The following POLD1 variants were observed in gnomAD, a reference collection of about 807,000 sequenced individuals.
The protein encoded by POLD1 is DNA polymerase delta 1, catalytic subunit.
In POLD1, 79 loss-of-function variants were observed where a neutral mutation model predicts 129.7. That is an observed-to-expected ratio of 0.61 (90% CI 0.51 to 0.73). The LOEUF (loss-of-function observed/expected upper bound fraction) is 0.73. Among genes scored for constraint, POLD1 ranks in the 30% least tolerant of loss-of-function variants. The pLI is 0.00. For missense variants in POLD1, 1,338 were observed against 1,595.8 expected (o/e 0.84, Z 2.75); for synonymous variants, 714 against 683.3 (o/e 1.04, Z -0.70).
At chr19:50,415,017 C>T (rs1316551670) in intron 20 of POLD1, 27 bp downstream of exon 20, 36 of 1,498,264 alleles carry the variant, frequency 2.4e-5, no homozygotes, top group Non-Finnish European at 3.0e-5. Flanking sequence ...CCCTCAGACT[C>T]AGGGGGCTGG....
chr19:50,413,405 G>A lies in POLD1; in HGVS notation c.2155-21G>A, dbSNP rs780350965. 2.4e-4 allele frequency: 389 copies of A among 1,606,572 alleles called. No homozygotes were observed. The highest frequency in any genetic ancestry group is 3.2e-4 in the Non-Finnish European group (374 of 1,175,236). ...CACATGGCCCCCAGGGCTTCACTCCGCATGATTCTCTCCCCGACAGAGCGT... is the reference window on the plus strand; with the variant it reads ...CACATGGCCCCCAGGGCTTCACTCCACATGATTCTCTCCCCGACAGAGCGT... On this transcript the variant is annotated intron_variant, in intron 17 of 26. Coordinates refer to ENST00000440232, the MANE Select transcript of POLD1 (RefSeq NM_002691.4).
chr19:50,413,978 T>G (rs1174291255), intron 19 of POLD1, 99 bp downstream of exon 19: 1 of 1,268,274 alleles, frequency 7.9e-7, no homozygotes, highest in Non-Finnish European at 1.1e-6. Context: ...TGTGAAGGGA[T>G]GTTGCTGCTT....
intron 1 of POLD1, among the ~76,000 whole-genome samples, chr19:50,385,746 C>G (rs1372751455): frequency 1.3e-5 from 2 of 151,972 alleles, no homozygotes; most frequent in African/African-American, 4.8e-5. Flanking sequence ...CCAGGCTGGT[C>G]TCGAACTCCT....
chr19:50,417,514 G>T (rs910492158), intron 26 of POLD1, among the ~76,000 whole-genome samples: 3 of 152,158 alleles, frequency 2.0e-5, no homozygotes, highest in Non-Finnish European at 4.4e-5. Flanking sequence ...GGAAACGGCT[G>T]TCCTCCCGAC....
rs567096644 is a variant in POLD1, at chr19:50,406,740, C to G, written c.1494+223C>G. Among the ~76,000 whole-genome samples, 24 of 152,248 alleles carry G rather than the reference C, an allele frequency of 1.6e-4. No homozygotes were observed. The highest frequency in any genetic ancestry group is 4.6e-4 in the African/African-American group (19 of 41,530). ...TATGACCTTGTCTCTGCTTTCCTGG[C>G]CTGACCACAGGTCCACGGTGGCCTT... is the stretch of plus-strand genomic sequence containing the variant. On this transcript the variant is annotated intron_variant, in intron 12 of 26. Transcript: ENST00000440232. The surrounding 1 kb of genome is among the most constrained non-coding windows in gnomAD (Gnocchi z 5.5).
At chr19:50,400,199 A>C (rs974918821) in intron 3 of POLD1, among the ~76,000 whole-genome samples, 4 of 68,620 alleles carry the variant, frequency 5.8e-5, no homozygotes, top group Non-Finnish European at 5.7e-5. Context: ...GCTGGAGTGC[A>C]CCTGGCCAAT....
chr19:50,385,671 G>A (rs2037945036), intron 1 of POLD1, among the ~76,000 whole-genome samples: 1 of 151,968 alleles, frequency 6.6e-6, no homozygotes, highest in Admixed American at 6.6e-5. Flanking sequence ...TGGGATTACG[G>A]CACCCACTGC....
rs2122509398 is a variant in POLD1 at position 50,417,265 on chromosome 19, A to G, written c.3214A>G (p.Thr1072Ala). The G allele has an allele frequency of 6.3e-7, 1 of 1,592,060 alleles. No homozygotes were observed. The highest frequency in any genetic ancestry group is 8.5e-7 in the Non-Finnish European group (1 of 1,172,544). The change falls in exon 26 of 27, where the codon ACC (threonine) becomes GCC (alanine). Residue 1072 changes from threonine (T) to alanine (A), a missense_variant. Thr to Ala is a moderately conservative substitution (Grantham distance 58). Transcript: ENST00000440232. Reference protein sequence around the residue: ...QGSLHEDVICTSRDCPIFYMR... With the variant: ...QGSLHEDVICASRDCPIFYMR... ...CAGCCTGCACGAGGACGTCATCTGC[A>G]CCAGGTGTGTGCCATGTCCCGACCC... is the stretch of plus-strand genomic sequence containing the variant.
chr19:50,391,731 T>TTTC (rs201298004), intron 1 of POLD1, among the ~76,000 whole-genome samples: 4 of 148,842 alleles, frequency 2.7e-5, no homozygotes, highest in African/African-American at 1.0e-4. Context: ...TCTTTTTTTT[T>TTTC]CCCACTCCCC....
chr19:50,413,709 C>T (rs2122444239), intron 18 of POLD1, 33 bp from the exon 19 acceptor site: 1 of 1,569,542 alleles, frequency 6.4e-7, no homozygotes, highest in Non-Finnish European at 8.6e-7. Context: ...AGGGACCCTG[C>T]TTCTCACATA....
intron 8 of POLD1, 89 bp downstream of exon 8, chr19:50,402,830 C>T (rs1025244962): frequency 6.6e-7 from 1 of 1,503,958 alleles, no homozygotes. Context: ...GAATGGCAAG[C>T]ATGAAGGTGC....
intron 1 of POLD1, among the ~76,000 whole-genome samples, chr19:50,384,877 T>C (rs1320390878): frequency 2.0e-5 from 3 of 152,156 alleles, no homozygotes; most frequent in African/African-American, 7.2e-5. Flanking sequence ...AACGTGATAA[T>C]GAGCGAAGAG....
At chr19:50,402,846 C>A (rs2122264815) in intron 8 of POLD1, 105 bp downstream of exon 8, 1 of 1,452,982 alleles carries the variant, frequency 6.9e-7, no homozygotes, top group Non-Finnish European at 9.3e-7. Flanking sequence ...GGTGCCGGGG[C>A]AGGAGCACCC....
rs768901366 is a variant in POLD1, at chr19:50,406,262, G to C, written c.1323G>C (p.Thr441=). Residue 441 remains threonine, a synonymous_variant, in exon 11 of 27, where the codon ACG becomes ACC. Transcript: ENST00000440232. The surrounding 1 kb of genome is among the most constrained non-coding windows in gnomAD (Gnocchi z 5.5). The stretch of plus-strand genomic sequence containing the variant: ...ACTCTTCATTCCAGTCCAAGCAGAC[G>C]GGCCGGCGGGACACCAAGGTTGTCA... ...IRDSSFQSKQ[T]GRRDTKVVSM... The C allele has an allele frequency of 5.0e-6, 8 of 1,613,882 alleles. No homozygotes were observed. In the African/African-American group the frequency reaches 9.3e-5, roughly 19 times the overall value.
chr19:50,406,818 C>A lies in POLD1; in HGVS notation c.1495-165C>A, dbSNP rs750881381. ...CCCTGTGGACTCCCTGGCCCCCAAC[C>A]CTACCTCCATCCCCACCCAGACCCT... is the stretch of plus-strand genomic sequence containing the variant. On this transcript the variant is annotated intron_variant, in intron 12 of 26. Transcript: ENST00000440232. This position sits in a 1 kb window ranked among gnomAD's most constrained non-coding sequence, Gnocchi z 5.5. Among the ~76,000 whole-genome samples the A allele has an allele frequency of 6.6e-5, 10 of 152,036 alleles. No individual in the cohort carries two copies. Among genetic ancestry groups the A allele is most frequent in the Non-Finnish European group, 8.8e-5 (6 of 68,000 alleles).
rs1143666 is a variant in POLD1, at chr19:50,402,505, T to C, written c.810T>C (p.Ala270=). 39,081 of 1,609,458 alleles carry C rather than the reference T, an allele frequency of 0.024. 6,159 individuals carry two copies. The African/African-American group carries it at 0.39, about 16-fold the overall frequency. The change falls in exon 7 of 27, where the codon GCT becomes GCC. Residue 270 remains alanine (A), a synonymous_variant. Coordinates refer to ENST00000440232, the MANE Select transcript of POLD1 (RefSeq NM_002691.4). ...GCTGCAACTGGCTGGAGCTCCCAGC[T>C]GGGAAATACGCCCTGAGGCTGAAGG... is the stretch of plus-strand genomic sequence containing the variant. ...IVGCNWLELP[A]GKYALRLKEK... is the part of the protein sequence containing the mutation.
chr19:50,415,833 C>A lies in POLD1; in HGVS notation c.2820+7C>A. On this transcript the variant is annotated splice_region_variant and intron_variant, in intron 22 of 26. Coordinates refer to ENST00000440232, the MANE Select transcript of POLD1 (RefSeq NM_002691.4). Reference sequence around the variant, plus strand: ...CGCCTACATGAAGTCGGAGGTCAGGCCCACCTGGCTGCCTGCTCCCGCCCA... The same window carrying A: ...CGCCTACATGAAGTCGGAGGTCAGGACCACCTGGCTGCCTGCTCCCGCCCA... 1 of 1,484,602 alleles carries A rather than the reference C, an allele frequency of 6.7e-7. No homozygotes were observed. The highest frequency in any genetic ancestry group is 9.0e-7 in the Non-Finnish European group (1 of 1,111,154). 92.0% of individuals were successfully genotyped at this position (1,484,602 alleles called of 1,614,324 possible). A position where few individuals can be genotyped will look rare whatever the true frequency, so the allele number is the denominator to read the frequency against.
At chr19:50,396,418 C>CATTGTATATCTTGTCAAAGAT (rs3219352) in intron 1 of POLD1, among the ~76,000 whole-genome samples, 3,456 of 151,492 alleles carry the variant, frequency 0.023, 142 homozygotes, top group African/African-American at 0.079. Flanking sequence ...ATATCTTGTA[C>CATTGTATATCTTGTCAAAGAT]ATTGTATATC....
At position 50,406,917 on chromosome 19, in the gene POLD1, TC is replaced by T. The variant is rs2038907240; in HGVS notation, c.1495-64del. 2 of 1,337,390 alleles carry T rather than the reference TC, an allele frequency of 1.5e-6. No individual in the cohort carries two copies. Among genetic ancestry groups the T allele is most frequent in the Non-Finnish European group, 2.0e-6 (2 of 975,994 alleles). The allele number at this position is 1,337,390 out of a possible 1,614,324, so 82.8% of individuals were successfully genotyped here. Reference sequence around the variant, plus strand: ...AGGCTACCTCACCCTGACCCCCACTTCCTTCTCCTGCTCCACCTCCCACCCC... The same window carrying T: ...AGGCTACCTCACCCTGACCCCCACTTCTTCTCCTGCTCCACCTCCCACCCC... On this transcript the variant is annotated intron_variant, in intron 12 of 26. Coordinates refer to ENST00000440232, the MANE Select transcript of POLD1 (RefSeq NM_002691.4). The surrounding 1 kb of genome is among the most constrained non-coding windows in gnomAD (Gnocchi z 5.5).
Sources: allele counts gnomAD v4.1 joint callset (sites outside exome capture counted in the v4.1 genomes callset), GRCh38; gene constraint gnomAD v4.1.1; non-coding constraint Gnocchi (gnomAD v3.1); transcripts MANE v1.5; gene names NCBI Gene and HGNC (gene_info 2026-07-23, HGNC 2026-07-21).